The following LIMS1 variants were observed in gnomAD, a reference collection of about 807,000 sequenced individuals.
The protein encoded by LIMS1 is LIM and senescent cell antigen-like-containing domain protein 1.
A neutral mutation model predicts 44.1 loss-of-function variants in LIMS1; 18 were observed. That is an observed-to-expected ratio of 0.41 (90% confidence interval 0.28 to 0.61). The LOEUF is 0.61. Ranked by LOEUF, LIMS1 falls within the 20% of genes least tolerant of loss-of-function variation. The pLI, the probability that LIMS1 is intolerant of heterozygous loss-of-function variation, is 0.32. For synonymous variants in LIMS1, 93 were observed against 149.1 expected (o/e 0.62, Z 2.74); for missense variants, 201 against 422.0 (o/e 0.48, Z 4.59).
chr2:108,554,378 G>A (rs946322346), intron 1 of LIMS1, among the ~76,000 whole-genome samples: 12 of 152,054 alleles, frequency 7.9e-5, no homozygotes, highest in African/African-American at 1.4e-4. Flanking sequence ...CTCTATTCCC[G>A]AGGAGTGGTC....
exon 1 of LIMS1, chr2:108,534,499 G>A: frequency 3.4e-6 from 4 of 1,161,616 alleles, no homozygotes; most frequent in Non-Finnish European, 3.2e-6. Flanking sequence ...GAGGGACTAG[G>A]ACGCGGCTGG....
At chr2:108,536,188 C>A (rs1240050774) in intron 1 of LIMS1, among the ~76,000 whole-genome samples, 2 of 152,160 alleles carry the variant, frequency 1.3e-5, no homozygotes, top group African/African-American at 4.8e-5. Context: ...CTGAATTTAC[C>A]ATTAGTAATT....
chr2:108,649,730 C>A (rs917834842), intron 1 of LIMS1, among the ~76,000 whole-genome samples: 2 of 152,116 alleles, frequency 1.3e-5, no homozygotes, highest in African/African-American at 4.8e-5. Context: ...GAACAAAAAA[C>A]CAAACACTGC....
At chr2:108,564,122 C>G (rs1685215504) in intron 1 of LIMS1, among the ~76,000 whole-genome samples, 1 of 152,016 alleles carries the variant, frequency 6.6e-6, no homozygotes, top group African/African-American at 2.4e-5. Flanking sequence ...CACAGCCACC[C>G]CAGGCTTCAG....
chr2:108,597,944 A>G (rs2577598), intron 1 of LIMS1, among the ~76,000 whole-genome samples: 94,857 of 151,736 alleles, frequency 0.63, 30,271 homozygotes, highest in East Asian at 0.97. Context: ...CGCCCGCCTC[A>G]GCCTCCCAAA....
chr2:108,565,337 A>G (rs901427239), intron 1 of LIMS1, among the ~76,000 whole-genome samples: 1 of 152,176 alleles, frequency 6.6e-6, no homozygotes, highest in African/African-American at 2.4e-5. Flanking sequence ...CTCTAATAAA[A>G]TTTGGGAGGC....
At chr2:108,577,434 C>G (rs972232549) in intron 1 of LIMS1, among the ~76,000 whole-genome samples, 1 of 152,226 alleles carries the variant, frequency 6.6e-6, no homozygotes, top group Non-Finnish European at 1.5e-5. Context: ...TTACTCCGGG[C>G]TCTGCCTTAG....
chr2:108,562,138 A>G (rs1043423798), intron 1 of LIMS1, among the ~76,000 whole-genome samples: 2 of 152,200 alleles, frequency 1.3e-5, no homozygotes, highest in African/African-American at 4.8e-5. Flanking sequence ...TAAATGTTGT[A>G]TGTGTTCTAA....
At chr2:108,634,235 G>A (rs1382175517) in intron 1 of LIMS1, among the ~76,000 whole-genome samples, 1 of 152,230 alleles carries the variant, frequency 6.6e-6, no homozygotes, top group Non-Finnish European at 1.5e-5. Flanking sequence ...GCTCTCTGGT[G>A]TGCCAGCTGC....
intron 1 of LIMS1, among the ~76,000 whole-genome samples, chr2:108,597,857 T>C (rs1558802652): frequency 1.3e-5 from 2 of 151,814 alleles, no homozygotes; most frequent in Non-Finnish European, 2.9e-5. Flanking sequence ...CACACCCGGC[T>C]ATTTTTTGTA....
intron 1 of LIMS1, among the ~76,000 whole-genome samples, chr2:108,613,135 G>T (rs1687750227): frequency 6.6e-6 from 1 of 152,194 alleles, no homozygotes; most frequent in African/African-American, 2.4e-5. Context: ...TCATAGGGTT[G>T]AGATGGAGGT....
At chr2:108,605,103 C>T (rs1192944070) in intron 1 of LIMS1, among the ~76,000 whole-genome samples, 1 of 152,188 alleles carries the variant, frequency 6.6e-6, no homozygotes, top group Non-Finnish European at 1.5e-5. Context: ...TGGACTGTGA[C>T]CTGAGAGCTA....
At chr2:108,631,987 T>C (rs1688957170) in intron 1 of LIMS1, among the ~76,000 whole-genome samples, 1 of 152,204 alleles carries the variant, frequency 6.6e-6, no homozygotes, top group Non-Finnish European at 1.5e-5. Flanking sequence ...TGTTTGTTTG[T>C]TGAGATGCAG....
chr2:108,638,799 T>G lies in LIMS1; in HGVS notation c.33-20806T>G, dbSNP rs929442012. On this transcript the variant is annotated intron_variant, in intron 1 of 9. Coordinates refer to ENST00000544547, the Ensembl canonical transcript of LIMS1. ...TGGCTCACGCCTGTAATCCCAGCAC[T>G]TGGAGAGGCCGAGGCGGGTGGATCA... Among the ~76,000 whole-genome samples the G allele has an allele frequency of 6.6e-5, 10 of 151,984 alleles. No individual in the cohort carries two copies. In the South Asian group the frequency reaches 1.7e-3, roughly 25 times the overall value.
intron 9 of LIMS1, chr2:108,681,122 T>C (rs1367873199): frequency 1.6e-6 from 2 of 1,276,696 alleles, no homozygotes; most frequent in Non-Finnish European, 2.0e-6. Context: ...TGTAAACTTT[T>C]CTATCCCTGT....
intron 9 of LIMS1, chr2:108,681,471 A>G (rs1692988699): frequency 2.0e-6 from 2 of 978,134 alleles, no homozygotes; most frequent in South Asian, 4.7e-5. Context: ...TAATCTCTTA[A>G]TAGACCCTGG....
chr2:108,609,746 C>T lies in LIMS1; in HGVS notation c.33-49859C>T, dbSNP rs71421329. Among the ~76,000 whole-genome samples, 1,263 of 152,248 alleles carry T rather than the reference C, an allele frequency of 8.3e-3. 8 individuals are homozygous for T. Among genetic ancestry groups the T allele is most frequent in the Non-Finnish European group, 0.013 (908 of 68,016 alleles). On this transcript the variant is annotated intron_variant, in intron 1 of 9. Transcript: ENST00000544547. ...GACCTGATGCCTTCTGCTGTGCTGT[C>T]GGTGCATCACACTGCACACATATAC...
At chr2:108,534,572 G>C (rs1684049596) in exon 1 of LIMS1, 1 of 1,191,778 alleles carries the variant, frequency 8.4e-7, no homozygotes, top group Admixed American at 4.4e-5. Context: ...GATGCTGGGC[G>C]TGGCGGCCGG....
At chr2:108,547,366 T>G (rs1489280373) in intron 1 of LIMS1, among the ~76,000 whole-genome samples, 1 of 152,224 alleles carries the variant, frequency 6.6e-6, no homozygotes, top group African/African-American at 2.4e-5. Flanking sequence ...TGATGCTTAG[T>G]GTCTCCAGCA....
Sources: gnomAD v4.1 joint callset for allele counts (sites outside exome capture counted in the v4.1 genomes callset) on GRCh38, gnomAD v4.1.1 for gene constraint, MANE v1.5 for transcripts, NCBI Gene and HGNC (gene_info 2026-07-23, HGNC 2026-07-21) for gene names.